Variants in MAP2K4 observed in about 807,000 individuals in gnomAD.
MAP2K4 encodes the protein mitogen-activated protein kinase kinase 4.
In MAP2K4, 4 loss-of-function variants were observed where a neutral mutation model predicts 48.5. That is an observed-to-expected ratio of 0.08 (90% CI 0.04 to 0.19). The LOEUF is 0.19. Among genes scored for constraint, MAP2K4 ranks in the 10% least tolerant of loss-of-function variants. MAP2K4 has a pLI of 1.00. For synonymous variants in MAP2K4, 166 were observed against 173.1 expected, an observed-to-expected ratio of 0.96 and a Z score of 0.32; for missense variants, 258 against 493.3, an observed-to-expected ratio of 0.52 and a Z score of 4.52.
At chr17:12,094,554 C>T (rs1348322561) in intron 3 of MAP2K4, among the ~76,000 whole-genome samples, 3 of 152,144 alleles carry the variant, frequency 2.0e-5, no homozygotes, top group African/African-American at 7.2e-5. Context: ...GTATTGTACA[C>T]AGTGGCGTGA....
At position 12,081,567 on chromosome 17, in the gene MAP2K4, C is replaced by T. The variant is rs766127513; in HGVS notation, c.393+37C>T. ...CATGATTATTTTTGGTACTTTAATC[C>T]ATTAGGTGAAATTTCATGGTGCAGT... On this transcript the variant is annotated intron_variant, in intron 3 of 10. Transcript: ENST00000353533. The surrounding 1 kb of genome is among the most constrained non-coding windows in gnomAD (Gnocchi z 4.2). The T allele has an allele frequency of 3.8e-6, 6 of 1,596,866 alleles. No individual in the cohort carries two copies. Among genetic ancestry groups the T allele is most frequent in the Non-Finnish European group, 5.1e-6 (6 of 1,167,612 alleles).
intron 3 of MAP2K4, among the ~76,000 whole-genome samples, chr17:12,091,696 C>T (rs1223912180): frequency 2.6e-5 from 4 of 152,004 alleles, no homozygotes; most frequent in African/African-American, 9.7e-5. Context: ...TGACCTGTAT[C>T]TACCTGCTGT....
Position 12,141,107 on chromosome 17 carries a change from A to T in MAP2K4, c.1087-40A>T, listed in dbSNP as rs761423497. ...TGGAAAATGTTCAGTTTGGGCTGTC[A>T]TACAAACTTTTGACTTTTTTGTTTT... On this transcript the variant is annotated intron_variant, in intron 10 of 10. Transcript: ENST00000353533. The T allele has an allele frequency of 6.2e-6, 8 of 1,293,322 alleles. No individual in the cohort carries two copies. The South Asian group carries it at 9.5e-5, about 15-fold the overall frequency. The allele number at this position is 1,293,322 out of a possible 1,614,324, so 80.1% of individuals were successfully genotyped here.
intron 2 of MAP2K4, among the ~76,000 whole-genome samples, chr17:12,077,478 G>A (rs1034054919): frequency 1.3e-5 from 2 of 152,190 alleles, no homozygotes; most frequent in Non-Finnish European, 2.9e-5. Flanking sequence ...CCATAGAAAA[G>A]TCCGGAGATA....
In MAP2K4 at chr17:12,075,668, A is replaced by T. The variant is rs571267389; in HGVS notation, c.219-5688A>T. On this transcript the variant is annotated intron_variant, in intron 2 of 10. Transcript: ENST00000353533. ...TCTAGCAGTTGAAAAGAATGATCTA[A>T]CCCTAACACCTTTCAAATTGGCATG... 1.1e-4 allele frequency among the ~76,000 whole-genome samples: 17 copies of T among 152,276 alleles called. No individual in the cohort carries two copies. In the South Asian group the frequency reaches 3.1e-3, roughly 28 times the overall value.
At chr17:12,084,594 C>T (rs72821264) in intron 3 of MAP2K4, among the ~76,000 whole-genome samples, 34,228 of 152,018 alleles carry the variant, frequency 0.23, 4,030 homozygotes, top group Middle Eastern at 0.26. Context: ...CTGTTTTGCA[C>T]GGTGGTGGGG....
chr17:12,092,982 C>G (rs890391687), intron 3 of MAP2K4, among the ~76,000 whole-genome samples: 8 of 152,104 alleles, frequency 5.3e-5, no homozygotes, highest in Non-Finnish European at 1.0e-4. Flanking sequence ...GCCGAGATCG[C>G]GCCACTGCAC....
chr17:12,063,989 A>T, intron 2 of MAP2K4, among the ~76,000 whole-genome samples: 1 of 91,764 alleles, frequency 1.1e-5, no homozygotes, highest in Non-Finnish European at 2.0e-5. Flanking sequence ...GGGGGCGGGG[A>T]GGAAAGCAGG....
At chr17:12,109,023 A>ATGC (rs781589157) in intron 5 of MAP2K4, among the ~76,000 whole-genome samples, 2 of 152,136 alleles carry the variant, frequency 1.3e-5, no homozygotes, top group African/African-American at 2.4e-5. Context: ...TGGTTATTAA[A>ATGC]TGCTTATTTG....
chr17:12,094,148 G>A (rs1461203748), intron 3 of MAP2K4, among the ~76,000 whole-genome samples: 1 of 152,062 alleles, frequency 6.6e-6, no homozygotes, highest in Non-Finnish European at 1.5e-5. Context: ...GTTTATCTGA[G>A]CATTGATATT....
intron 4 of MAP2K4, among the ~76,000 whole-genome samples, chr17:12,107,052 A>T (rs1028787886): frequency 6.6e-6 from 1 of 152,140 alleles, no homozygotes; most frequent in African/African-American, 2.4e-5. Flanking sequence ...ATTGCTTTCA[A>T]ATTGGTTTAA....
At chr17:12,105,584 A>G (rs1972083014) in intron 4 of MAP2K4, among the ~76,000 whole-genome samples, 1 of 151,862 alleles carries the variant, frequency 6.6e-6, no homozygotes, top group African/African-American at 2.4e-5. Context: ...CTTCTTCTGC[A>G]TTTCAGACCT....
intron 8 of MAP2K4, among the ~76,000 whole-genome samples, chr17:12,126,297 C>A (rs187748139): frequency 6.6e-6 from 1 of 152,140 alleles, no homozygotes; most frequent in South Asian, 2.1e-4. Context: ...AACAAGCAAG[C>A]GCAATTATAT....
At chr17:12,113,121 G>A in intron 6 of MAP2K4, 112 bp from the exon 7 acceptor site, 2 of 810,940 alleles carry the variant, frequency 2.5e-6, no homozygotes, top group Non-Finnish European at 3.8e-6. Context: ...CTGAATTTAA[G>A]GACTTGACCA....
rs368390462 is a variant in MAP2K4, at chr17:12,060,728, G to GGTGT, written c.218+5753_218+5756dup. On this transcript the variant is annotated intron_variant, in intron 2 of 10. Transcript: ENST00000353533. ...ATCTCAAATGTGTTAAATACTATGG[G>GGTGT]GTGTGTGTGTGTGTGTGTGCGCGCG... Among the ~76,000 whole-genome samples the GGTGT allele has an allele frequency of 1.9e-3, 286 of 150,352 alleles. 2 individuals are homozygous for GGTGT. The highest frequency in any genetic ancestry group is 6.3e-3 in the African/African-American group (257 of 40,998).
intron 1 of MAP2K4, among the ~76,000 whole-genome samples, chr17:12,027,433 T>C (rs974024014): frequency 1.3e-5 from 2 of 151,888 alleles, no homozygotes; most frequent in East Asian, 3.9e-4. Context: ...TGCTCAAACA[T>C]TGAAAAACGA....
At chr17:12,086,896 G>A (rs569214850) in intron 3 of MAP2K4, among the ~76,000 whole-genome samples, 1 of 152,124 alleles carries the variant, frequency 6.6e-6, no homozygotes, top group Non-Finnish European at 1.5e-5. Context: ...GCCCAGGCTG[G>A]AGTGCAGTGG....
In MAP2K4 at chr17:12,076,279, CTGTGTGTGTGTG is replaced by C. The variant is rs372806903; in HGVS notation, c.219-5041_219-5030del. On this transcript the variant is annotated intron_variant, in intron 2 of 10. Transcript: ENST00000353533. ...TGTTCTGGGACATTATGTCACAGTT[CTGTGTGTGTGTG>C]TGTGTGTGTGTGTGTGTGTGTGTGT... 1.8e-3 allele frequency among the ~76,000 whole-genome samples: 242 copies of C among 135,250 alleles called. 1 individual carries two copies. Among genetic ancestry groups the C allele is most frequent in the South Asian group, 6.7e-3 (26 of 3,886 alleles). The allele number at this position is 135,250 out of a possible 152,430, so 88.7% of individuals were successfully genotyped here.
In MAP2K4 at chr17:12,075,083, C is replaced by T. The variant is rs556142306; in HGVS notation, c.219-6273C>T. Among the ~76,000 whole-genome samples, 63 of 152,300 alleles carry T rather than the reference C, an allele frequency of 4.1e-4. 2 individuals are homozygous for T. In the South Asian group the frequency reaches 0.013, roughly 31 times the overall value. On this transcript the variant is annotated intron_variant, in intron 2 of 10. Transcript: ENST00000353533. ...GAACTAGGGAATAATATCTTGAAGA[C>T]TTTGAGAAAGAGCATCTCCAAACAA...
Sources: gnomAD v4.1 joint callset for allele counts (sites outside exome capture counted in the v4.1 genomes callset) on GRCh38, gnomAD v4.1.1 for gene constraint, Gnocchi (gnomAD v3.1) non-coding constraint, MANE v1.5 for transcripts, NCBI Gene and HGNC (gene_info 2026-07-23, HGNC 2026-07-21) for gene names.